The following KCNAB1 variants were observed in gnomAD, a reference collection of about 807,000 sequenced individuals.
KCNAB1 encodes voltage-gated potassium channel subunit beta-1.
Under a neutral mutation model 64.6 loss-of-function variants are expected in KCNAB1, and 35 were observed. The observed-to-expected ratio is 0.54, with a 90% confidence interval of 0.41 to 0.72. The LOEUF (loss-of-function observed/expected upper bound fraction) is 0.72. Among genes scored for constraint, KCNAB1 ranks in the 30% least tolerant of loss-of-function variants. The pLI is 0.00. For missense variants in KCNAB1, 401 were observed against 512.9 expected, an observed-to-expected ratio of 0.78 and a Z score of 2.11; for synonymous variants, 177 against 183.8, an observed-to-expected ratio of 0.96 and a Z score of 0.30.
chr3:156,445,507 G>A (rs749164567), intron 2 of KCNAB1, among the ~76,000 whole-genome samples: 1 of 152,136 alleles, frequency 6.6e-6, no homozygotes, highest in East Asian at 1.9e-4. Context: ...ATCCCCCCAG[G>A]ATATTCAAAT....
chr3:156,451,299 A>G (rs1711986669), intron 2 of KCNAB1, among the ~76,000 whole-genome samples: 1 of 152,238 alleles, frequency 6.6e-6, no homozygotes, highest in Admixed American at 6.5e-5. Flanking sequence ...AAGTAAAACA[A>G]TTTATACCCT....
chr3:156,400,681 G>GA (rs1713825444), intron 1 of KCNAB1, among the ~76,000 whole-genome samples: 2 of 152,172 alleles, frequency 1.3e-5, no homozygotes, highest in Admixed American at 6.5e-5. Context: ...TCCCTGCAAT[G>GA]TATATACAAT....
intron 1 of KCNAB1, among the ~76,000 whole-genome samples, chr3:156,241,734 A>T (rs566866194): frequency 6.6e-6 from 1 of 151,718 alleles, no homozygotes; most frequent in Non-Finnish European, 1.5e-5. Context: ...CTGTTTTTTT[A>T]AATTTATTTT....
At chr3:156,495,117 A>G (rs745526816) in intron 8 of KCNAB1, among the ~76,000 whole-genome samples, 7 of 152,138 alleles carry the variant, frequency 4.6e-5, no homozygotes, top group Non-Finnish European at 8.8e-5. Context: ...ATAAGAACAC[A>G]TGGTATTTGG....
intron 1 of KCNAB1, among the ~76,000 whole-genome samples, chr3:156,384,534 A>C (rs1374364905): frequency 2.6e-5 from 4 of 152,246 alleles, no homozygotes; most frequent in Admixed American, 2.6e-4. Context: ...AAGCAAAAAA[A>C]GTCTATTTCT....
At chr3:156,197,681 T>C (rs565372322) in intron 1 of KCNAB1, among the ~76,000 whole-genome samples, 1 of 152,320 alleles carries the variant, frequency 6.6e-6, no homozygotes, top group East Asian at 1.9e-4. Flanking sequence ...ATTTGATTCT[T>C]CTCTCTTTTC....
At chr3:156,538,974 G>GTT (rs201173438), downstream of KCNAB1, 1 of 152,168 alleles carries the variant, frequency 6.6e-6, no homozygotes, top group African/African-American at 2.4e-5. Context: ...GGAACAGCCA[G>GTT]TTTTTTATAT....
At chr3:156,524,302 G>A (rs2280298) in intron 12 of KCNAB1, 77,847 of 169,862 alleles carry the variant, frequency 0.46, 18,488 homozygotes, top group East Asian at 0.61. Context: ...GTGAGAAGAT[G>A]AGATACAGGG....
intron 8 of KCNAB1, among the ~76,000 whole-genome samples, chr3:156,491,851 AATTAGGAAACAATAAAAAGAAC>A: frequency 6.6e-6 from 1 of 152,210 alleles, no homozygotes; most frequent in African/African-American, 2.4e-5. Context: ...GAGGTGATAA[AATTAGGAAACAATAAAAAGAAC>A]AGAACCAGAT....
intron 1 of KCNAB1, among the ~76,000 whole-genome samples, chr3:156,267,620 C>G (rs1329664961): frequency 6.6e-6 from 1 of 152,152 alleles, no homozygotes; most frequent in Non-Finnish European, 1.5e-5. Flanking sequence ...GCTCATTATT[C>G]CCTGATAGAC....
chr3:156,329,395 A>C (rs1399607166), intron 1 of KCNAB1, among the ~76,000 whole-genome samples: 2 of 152,152 alleles, frequency 1.3e-5, no homozygotes, highest in African/African-American at 4.8e-5. Context: ...CAATTCTTCA[A>C]GTCCAAGAAA....
intron 8 of KCNAB1, among the ~76,000 whole-genome samples, chr3:156,486,929 T>C (rs945547343): frequency 2.0e-5 from 3 of 152,108 alleles, no homozygotes; most frequent in Admixed American, 1.3e-4. Context: ...GTGGGACCAG[T>C]CTGAGTTTTC....
At chr3:156,138,652 T>C (rs1402061410) in intron 1 of KCNAB1, among the ~76,000 whole-genome samples, 2 of 152,200 alleles carry the variant, frequency 1.3e-5, no homozygotes, top group African/African-American at 4.8e-5. Context: ...GTCTCGCCAG[T>C]AACAAAGGAG....
chr3:156,315,526 T>C (rs1722217943), intron 1 of KCNAB1, among the ~76,000 whole-genome samples: 1 of 152,194 alleles, frequency 6.6e-6, no homozygotes. Context: ...TGTCCTGGAA[T>C]ATTATCAAAT....
At chr3:156,433,477 T>C (rs1054229630) in intron 2 of KCNAB1, among the ~76,000 whole-genome samples, 1 of 152,104 alleles carries the variant, frequency 6.6e-6, no homozygotes, top group Non-Finnish European at 1.5e-5. Context: ...AGGGAGGTCA[T>C]GTAAGGCTTC....
chr3:156,247,819 C>T (rs984626425), intron 1 of KCNAB1, among the ~76,000 whole-genome samples: 5 of 152,174 alleles, frequency 3.3e-5, no homozygotes, highest in Non-Finnish European at 5.9e-5. Flanking sequence ...CCCACCTCCG[C>T]CTCCCAAAGT....
At chr3:156,336,021 A>G (rs546356514) in intron 1 of KCNAB1, among the ~76,000 whole-genome samples, 1 of 152,130 alleles carries the variant, frequency 6.6e-6, no homozygotes, top group Non-Finnish European at 1.5e-5. Context: ...AATTCTAGGA[A>G]CTATAATTAT....
chr3:156,523,270 G>A (rs903986479), intron 11 of KCNAB1, among the ~76,000 whole-genome samples: 2 of 152,136 alleles, frequency 1.3e-5, no homozygotes, highest in African/African-American at 2.4e-5. Flanking sequence ...TGCCATGTCT[G>A]CTTCTAGGAA....
At chr3:156,322,155 G>C (rs1426594883) in intron 1 of KCNAB1, among the ~76,000 whole-genome samples, 4 of 152,172 alleles carry the variant, frequency 2.6e-5, no homozygotes, top group Non-Finnish European at 4.4e-5. Flanking sequence ...CAAACACAAA[G>C]GGCAGATTCT....
Sources: allele counts gnomAD v4.1 joint callset (sites outside exome capture counted in the v4.1 genomes callset), GRCh38; gene constraint gnomAD v4.1.1; transcripts MANE v1.5; gene names NCBI Gene and HGNC (gene_info 2026-07-23, HGNC 2026-07-21).